Variants in ARHGEF6 observed in about 807,000 individuals in gnomAD.
The protein encoded by ARHGEF6 is Rac/Cdc42 guanine nucleotide exchange factor 6.
In ARHGEF6, 9 loss-of-function variants were observed where a neutral mutation model predicts 70.3. That is an observed-to-expected ratio of 0.13 (90% CI 0.08 to 0.22). ARHGEF6 has a LOEUF of 0.22. Among genes scored for constraint, ARHGEF6 ranks in the 10% least tolerant of loss-of-function variants. ARHGEF6 has a pLI of 1.00. For synonymous variants in ARHGEF6, 201 were observed against 207.8 expected, an observed-to-expected ratio of 0.97 and a Z score of 0.28; for missense variants, 470 against 563.0, an observed-to-expected ratio of 0.83 and a Z score of 1.67.
At chrX:136,681,026 A>G in intron 14 of ARHGEF6, 150 bp from the exon 15 acceptor site, 1 of 584,678 alleles carries the variant, frequency 1.7e-6, no homozygotes, top group Non-Finnish European at 2.8e-6. Context: ...TGAAATTTCT[A>G]TATCAGAAAC....
At chrX:136,740,157 C>T (rs959480691) in intron 5 of ARHGEF6, among the ~76,000 whole-genome samples, 2 of 111,115 alleles carry the variant, frequency 1.8e-5, no homozygotes, top group Non-Finnish European at 3.8e-5. Context: ...TATAGGCATG[C>T]GCCACCATGC....
rs186252922 is a variant in ARHGEF6, at chrX:136,705,073, G to A, written c.1046+1835C>T. ...TTTGTCTGAGGCAGAGTCTTGCTCC[G>A]TCAAGTGAAGCCAAGGTGGGCGGAT... On this transcript the variant is annotated intron_variant, in intron 9 of 21. Transcript: ENST00000250617. Among the ~76,000 whole-genome samples the A allele has an allele frequency of 5.4e-5, 6 of 111,119 alleles. No homozygotes were observed. In the South Asian group the frequency reaches 1.5e-3, roughly 28 times the overall value.
rs193299731 is a variant in ARHGEF6 at position 136,775,298 on chromosome X, C to T, written c.249+4116G>A. On this transcript the variant is annotated intron_variant, in intron 2 of 21. Transcript: ENST00000250617. The stretch of plus-strand genomic sequence containing the variant: ...TGAACATAGATGCAAAAATTCTCAA[C>T]AAAATACTAGGTAACTGAATCCAAT... Among the ~76,000 whole-genome samples, 41 of 111,661 alleles carry T rather than the reference C, an allele frequency of 3.7e-4. No homozygotes were observed. The East Asian group carries it at 0.01, about 28-fold the overall frequency.
intron 20 of ARHGEF6, among the ~76,000 whole-genome samples, chrX:136,671,364 T>G (rs996240884): frequency 1.8e-5 from 2 of 112,428 alleles, no homozygotes; most frequent in African/African-American, 6.5e-5. Flanking sequence ...TGCTGTCCTA[T>G]GCAAATTTAG....
intron 9 of ARHGEF6, among the ~76,000 whole-genome samples, chrX:136,705,816 C>T (rs1190975620): frequency 8.9e-6 from 1 of 112,508 alleles, no homozygotes; most frequent in Admixed American, 9.4e-5. Flanking sequence ...AATGTCCTTA[C>T]ATAACATCTT....
intron 9 of ARHGEF6, among the ~76,000 whole-genome samples, chrX:136,704,290 A>C (rs1198649208): frequency 8.9e-6 from 1 of 112,449 alleles, no homozygotes; most frequent in Non-Finnish European, 1.9e-5. Flanking sequence ...AACCTTGTGA[A>C]TATATTAAAA....
intron 2 of ARHGEF6, among the ~76,000 whole-genome samples, chrX:136,752,539 A>C: frequency 8.9e-6 from 1 of 112,256 alleles, no homozygotes; most frequent in African/African-American, 3.2e-5. Context: ...CAGTCACAGC[A>C]GTCTAGCCAC....
chrX:136,749,795 G>A (rs781519074), intron 2 of ARHGEF6, among the ~76,000 whole-genome samples: 137 of 111,599 alleles, frequency 1.2e-3, no homozygotes, highest in Non-Finnish European at 2.2e-3. Flanking sequence ...TACAGAGGAA[G>A]GAGTTGGAAG....
intron 6 of ARHGEF6, among the ~76,000 whole-genome samples, chrX:136,721,549 C>T (rs2076797910): frequency 9.0e-6 from 1 of 111,478 alleles, no homozygotes; most frequent in Non-Finnish European, 1.9e-5. Flanking sequence ...AGTGACAGAG[C>T]AAGACCCTGT....
At chrX:136,728,934 A>G (rs1212173332) in intron 6 of ARHGEF6, among the ~76,000 whole-genome samples, 1 of 106,116 alleles carries the variant, frequency 9.4e-6, no homozygotes, top group Non-Finnish European at 1.9e-5. Flanking sequence ...CTGGGTCTCC[A>G]GCTTTGAGAC....
rs1297081506 is a variant in ARHGEF6 at position 136,681,918 on chromosome X, T to A, written c.1530A>T (p.Glu510Asp). ...TGATTTCAAATGTGCAGTCATTCCCTTCAATTTCATCTAATCTAGTCACCA... is the reference window on the plus strand; with the variant it reads ...TGATTTCAAATGTGCAGTCATTCCCATCAATTTCATCTAATCTAGTCACCA... The part of the protein sequence containing the change: ...GTVVTRLDEI[E>D]GNDCTFEITG... Residue 510 changes from glutamate (E) to aspartate (D), a missense_variant, in exon 14 of 22, where the codon GAA becomes GAT. Around this residue, in one of 3 missense-constraint regions of ARHGEF6, gnomAD observed 379 missense variants for 449.3 expected, o/e 0.84. Coordinates refer to ENST00000250617, the MANE Select transcript of ARHGEF6 (RefSeq NM_004840.3). 1 of 1,207,806 alleles carries A rather than the reference T, an allele frequency of 8.3e-7. No individual in the cohort carries two copies. Among genetic ancestry groups the A allele is most frequent in the African/African-American group, 1.7e-5 (1 of 57,252 alleles).
At chrX:136,727,381 CTTTCTTTCTTTCT>C (rs1379796814) in intron 6 of ARHGEF6, among the ~76,000 whole-genome samples, 1 of 72,678 alleles carries the variant, frequency 1.4e-5, no homozygotes, top group Non-Finnish European at 2.6e-5. Context: ...TTCTTTCTTT[CTTTCTTTCTTTCT>C]TTCTCTCTCT....
At chrX:136,739,339 CTG>C (rs1399727548) in intron 5 of ARHGEF6, among the ~76,000 whole-genome samples, 1 of 112,072 alleles carries the variant, frequency 8.9e-6, no homozygotes, top group Non-Finnish European at 1.9e-5. Context: ...GTGCTACTTA[CTG>C]TGTCCTGGCC....
intron 2 of ARHGEF6, among the ~76,000 whole-genome samples, chrX:136,753,952 G>C (rs762579371): frequency 8.9e-6 from 1 of 111,955 alleles, no homozygotes; most frequent in African/African-American, 3.2e-5. Flanking sequence ...TTTCTATAAA[G>C]TCACTTTACA....
intron 2 of ARHGEF6, among the ~76,000 whole-genome samples, chrX:136,766,778 G>A (rs1303759496): frequency 8.9e-6 from 1 of 112,694 alleles, no homozygotes; most frequent in Non-Finnish European, 1.9e-5. Flanking sequence ...ATCTCCAAAT[G>A]TATGGATGCT....
At chrX:136,723,502 T>C (rs1473191895) in intron 6 of ARHGEF6, among the ~76,000 whole-genome samples, 1 of 112,203 alleles carries the variant, frequency 8.9e-6, no homozygotes, top group Non-Finnish European at 1.9e-5. Context: ...TAATCACTTA[T>C]ACTCAGCACT....
At chrX:136,729,754 C>T (rs774037842) in intron 6 of ARHGEF6, among the ~76,000 whole-genome samples, 211 of 105,313 alleles carry the variant, frequency 2.0e-3, no homozygotes, top group African/African-American at 7.0e-3. Flanking sequence ...TTCTTGAACC[C>T]GGGAGGCGGA....
At chrX:136,672,596 C>G (rs1321789419) in intron 19 of ARHGEF6, among the ~76,000 whole-genome samples, 4 of 112,177 alleles carry the variant, frequency 3.6e-5, no homozygotes, top group Non-Finnish European at 7.5e-5. Flanking sequence ...TCATCACCCC[C>G]ATTTGTTCTC....
intron 20 of ARHGEF6, 101 bp downstream of exon 20, chrX:136,671,919 G>A: frequency 1.5e-6 from 1 of 666,328 alleles, no homozygotes. Context: ...AGGTAAGGAG[G>A]AGTTGTCCCT....
Sources: gnomAD v4.1 joint callset for allele counts (sites outside exome capture counted in the v4.1 genomes callset) on GRCh38, gnomAD v4.1.1 for gene constraint, gnomAD v4.1.1 regional missense constraint, MANE v1.5 for transcripts, NCBI Gene and HGNC (gene_info 2026-07-23, HGNC 2026-07-21) for gene names.